The following HECW1 variants were observed in gnomAD, a reference collection of about 807,000 sequenced individuals.
HECW1 encodes HECT, C2 and WW domain containing E3 ubiquitin protein ligase 1, also known as E3 ubiquitin-protein ligase HECW1.
In HECW1, 61 loss-of-function variants were observed where a neutral mutation model predicts 182.3. The ratio of observed to expected loss-of-function variants is 0.33; its 90% CI spans 0.27 to 0.41. The LOEUF is 0.41. Ranked by LOEUF, HECW1 falls within the 10% of genes least tolerant of loss-of-function variation. The probability of loss-of-function intolerance (pLI) is 1.00; values close to 1 mark genes in which losing one functional copy is unlikely to be tolerated. For missense variants in HECW1, 1,739 were observed against 2,108.9 expected, an observed-to-expected ratio of 0.82 and a Z score of 3.44; for synonymous variants, 859 against 832.6, an observed-to-expected ratio of 1.03 and a Z score of -0.55.
Position 43,112,914 on chromosome 7 carries a change from T to C in HECW1, c.-290T>C. Reference sequence around the variant, plus strand: ...TCTGCGCGCTGACAGGAGCATGATCTGTGCCCAGGCCAGGGCTGCCAAGGT... The same window carrying C: ...TCTGCGCGCTGACAGGAGCATGATCCGTGCCCAGGCCAGGGCTGCCAAGGT... On this transcript the variant is annotated 5_prime_UTR_variant, in exon 1 of 30. Transcript: ENST00000395891. The C allele has an allele frequency of 4.6e-6, 1 of 217,762 alleles. No individual in the cohort carries two copies. The allele number at this position is 217,762 out of a possible 1,614,324, so 13.5% of individuals were successfully genotyped here. A position where few individuals can be genotyped will look rare whatever the true frequency, so the allele number is the denominator to read the frequency against.
chr7:43,244,371 T>C lies in HECW1; in HGVS notation c.27+439T>C, dbSNP rs970411759. Among the ~76,000 whole-genome samples, 41 of 152,304 alleles carry C rather than the reference T, an allele frequency of 2.7e-4. 1 individual carries two copies. Among genetic ancestry groups the C allele is most frequent in the African/African-American group, 8.7e-4 (36 of 41,572 alleles). ...GCCAGGCCATCCTCTGGGAGGCTGA[T>C]GGCTCATTAGGATGGGCTCTTGCAG... On this transcript the variant is annotated intron_variant, in intron 3 of 29. Coordinates refer to ENST00000395891, the MANE Select transcript of HECW1 (RefSeq NM_015052.5).
At chr7:43,218,985 C>T (rs1796701451) in intron 2 of HECW1, among the ~76,000 whole-genome samples, 1 of 152,122 alleles carries the variant, frequency 6.6e-6, no homozygotes, top group Admixed American at 6.5e-5. Flanking sequence ...GAACACCAGC[C>T]AGGTATATAA....
intron 16 of HECW1, among the ~76,000 whole-genome samples, chr7:43,477,989 T>G (rs1158636780): frequency 6.6e-6 from 1 of 152,026 alleles, no homozygotes; most frequent in African/African-American, 2.4e-5. Flanking sequence ...AAAGTTGTCT[T>G]ATGGTACAAA....
intron 17 of HECW1, among the ~76,000 whole-genome samples, chr7:43,481,520 C>T (rs989760430): frequency 2.0e-5 from 3 of 152,166 alleles, no homozygotes; most frequent in Admixed American, 6.5e-5. Context: ...ATATTTAAAA[C>T]CTTTCTAACT....
chr7:43,333,937 G>GACCA (rs779356894), intron 5 of HECW1, among the ~76,000 whole-genome samples: 3 of 152,186 alleles, frequency 2.0e-5, no homozygotes, highest in Non-Finnish European at 2.9e-5. Context: ...CTGGGAATCT[G>GACCA]ACCAACCAGT....
At chr7:43,234,971 C>T (rs1798193816) in intron 2 of HECW1, among the ~76,000 whole-genome samples, 1 of 152,224 alleles carries the variant, frequency 6.6e-6, no homozygotes, top group South Asian at 2.1e-4. Flanking sequence ...CCTGTGCAGG[C>T]CTCTCCTCCC....
intron 3 of HECW1, among the ~76,000 whole-genome samples, chr7:43,306,335 T>C (rs139420403): frequency 3.9e-5 from 6 of 152,348 alleles, no homozygotes; most frequent in Admixed American, 3.9e-4. Flanking sequence ...ATTTCTTGGT[T>C]TGTAAATTTT....
chr7:43,241,612 A>ATGTGTGTGTGTGTG (rs1437778475), intron 2 of HECW1: 1 of 114,980 alleles, frequency 8.7e-6, no homozygotes, highest in African/African-American at 3.6e-5. Flanking sequence ...TACTCTCCTA[A>ATGTGTGTGTGTGTG]TGTATGTGTG....
chr7:43,360,226 T>G (rs2152811676), intron 5 of HECW1, among the ~76,000 whole-genome samples: 1 of 151,958 alleles, frequency 6.6e-6, no homozygotes, highest in South Asian at 2.1e-4. Flanking sequence ...TTTTTTTTTT[T>G]TTTTAAATGG....
intron 26 of HECW1, among the ~76,000 whole-genome samples, chr7:43,543,179 G>C (rs2081424124): frequency 6.6e-6 from 1 of 152,196 alleles, no homozygotes; most frequent in Non-Finnish European, 1.5e-5. Context: ...TCATTTTCTA[G>C]ACCTAAAGTC....
intron 2 of HECW1, among the ~76,000 whole-genome samples, chr7:43,155,591 A>G (rs1004280421): frequency 6.6e-6 from 1 of 152,260 alleles, no homozygotes; most frequent in Non-Finnish European, 1.5e-5. Context: ...AATGCTTTGT[A>G]TAGTGAACAC....
intron 4 of HECW1, 61 bp downstream of exon 4, chr7:43,312,148 T>C (rs1334714804): frequency 2.9e-6 from 4 of 1,367,584 alleles, no homozygotes; most frequent in Admixed American, 1.8e-5. Context: ...TGTCACATTT[T>C]AATAAACTCT....
chr7:43,425,553 T>C (rs570535645), intron 8 of HECW1, among the ~76,000 whole-genome samples: 2 of 152,278 alleles, frequency 1.3e-5, no homozygotes, highest in East Asian at 3.9e-4. Flanking sequence ...CTTGGTTCAT[T>C]TTCTGTTGCT....
intron 7 of HECW1, among the ~76,000 whole-genome samples, chr7:43,404,479 T>G (rs1181820989): frequency 1.3e-5 from 2 of 152,174 alleles, no homozygotes; most frequent in Non-Finnish European, 2.9e-5. Context: ...AAGAAAGGTG[T>G]TATCTTTTTA....
At chr7:43,319,586 C>T (rs1462401725) in intron 4 of HECW1, among the ~76,000 whole-genome samples, 5 of 104,304 alleles carry the variant, frequency 4.8e-5, no homozygotes, top group African/African-American at 2.3e-4. Context: ...CTGTTCTTTT[C>T]CTTTCTTTTC....
At chr7:43,291,596 A>T (rs1359488383) in intron 3 of HECW1, among the ~76,000 whole-genome samples, 1 of 152,244 alleles carries the variant, frequency 6.6e-6, no homozygotes, top group African/African-American at 2.4e-5. Context: ...GAAGGAAGTT[A>T]GTCTTTAAAA....
chr7:43,164,333 A>G (rs1470381495), intron 2 of HECW1, among the ~76,000 whole-genome samples: 1 of 152,242 alleles, frequency 6.6e-6, no homozygotes, highest in Admixed American at 6.5e-5. Flanking sequence ...GCAGCTAATA[A>G]AAAGTGCATG....
At chr7:43,466,650 A>T (rs1289987108) in intron 15 of HECW1, 82 bp downstream of exon 15, 6 of 1,443,954 alleles carry the variant, frequency 4.2e-6, no homozygotes, top group Non-Finnish European at 5.6e-6. Flanking sequence ...TGATAGATCT[A>T]AAAGGGTAGA....
intron 3 of HECW1, among the ~76,000 whole-genome samples, chr7:43,292,995 C>G (rs1007283436): frequency 6.6e-6 from 1 of 151,974 alleles, no homozygotes; most frequent in East Asian, 1.9e-4. Context: ...GAGGCCAAGG[C>G]GGGTGGATCA....
Sources: gnomAD v4.1 joint callset for allele counts (sites outside exome capture counted in the v4.1 genomes callset) on GRCh38, gnomAD v4.1.1 for gene constraint, MANE v1.5 for transcripts, NCBI Gene and HGNC (gene_info 2026-07-23, HGNC 2026-07-21) for gene names.